The following LAPTM4B variants were observed in gnomAD, a reference collection of about 807,000 sequenced individuals.
The protein encoded by LAPTM4B is lysosomal protein transmembrane 4 beta.
LAPTM4B carries 26 observed loss-of-function variants against 28.5 expected under a neutral mutation model. That is an observed-to-expected ratio of 0.91 (90% CI 0.67 to 1.27). The LOEUF is 1.27. LAPTM4B is among the 50% of genes most tolerant of loss of function. The pLI is 0.00. For missense variants in LAPTM4B, 288 were observed against 285.8 expected (o/e 1.01, Z -0.06); for synonymous variants, 109 against 106.4 (o/e 1.02, Z -0.15).
intron 6 of LAPTM4B, among the ~76,000 whole-genome samples, chr8:97,829,585 G>T (rs775730262): frequency 7.9e-5 from 12 of 152,246 alleles, no homozygotes; most frequent in Middle Eastern, 3.4e-3. Flanking sequence ...AGAACAGGGG[G>T]TGTGGAATTG....
At chr8:97,785,486 C>G (rs1247952386) in intron 1 of LAPTM4B, among the ~76,000 whole-genome samples, 2 of 152,014 alleles carry the variant, frequency 1.3e-5, no homozygotes, top group Non-Finnish European at 2.9e-5. Flanking sequence ...ATATATTTAA[C>G]TTCGACCTAA....
Position 97,801,870 on chromosome 8 carries a change from G to A in LAPTM4B, c.100-3483G>A, listed in dbSNP as rs533514127. On this transcript the variant is annotated intron_variant, in intron 1 of 6. Transcript: ENST00000521545. ...AAAAAAAAAAAAAAAAAGTATAGAG[G>A]GATTGAAATGCCAAGAAAACTTGAC... Among the ~76,000 whole-genome samples, 3 of 150,132 alleles carry A rather than the reference G, an allele frequency of 2.0e-5. No homozygotes were observed. The East Asian group carries it at 5.9e-4, about 29-fold the overall frequency.
chr8:97,835,462 C>A (rs1295564246), intron 6 of LAPTM4B, among the ~76,000 whole-genome samples: 1 of 152,178 alleles, frequency 6.6e-6, no homozygotes, highest in Non-Finnish European at 1.5e-5. Context: ...GAAAGGAATG[C>A]GTAACGCAGA....
chr8:97,798,644 CAGGACCCACTCTGGAGTA>C (rs949683636), intron 1 of LAPTM4B, among the ~76,000 whole-genome samples: 1 of 152,024 alleles, frequency 6.6e-6, no homozygotes, highest in Non-Finnish European at 1.5e-5. Flanking sequence ...GTTTAGGACC[CAGGACCCACTCTGGAGTA>C]AGAAGGACAC....
chr8:97,827,763 A>G (rs1245090007), intron 6 of LAPTM4B, among the ~76,000 whole-genome samples: 2 of 152,184 alleles, frequency 1.3e-5, no homozygotes, highest in African/African-American at 4.8e-5. Flanking sequence ...CTGAGTCCGA[A>G]AAAGAGAGTC....
At chr8:97,776,745 A>G (rs1816226765) in intron 1 of LAPTM4B, among the ~76,000 whole-genome samples, 1 of 151,176 alleles carries the variant, frequency 6.6e-6, no homozygotes, top group African/African-American at 2.4e-5. Flanking sequence ...AGTGTGATTT[A>G]CTGCGTTTCC....
chr8:97,847,471 A>G (rs1817450752), intron 6 of LAPTM4B, among the ~76,000 whole-genome samples: 1 of 152,222 alleles, frequency 6.6e-6, no homozygotes, highest in South Asian at 2.1e-4. Context: ...TTAAAACAAA[A>G]AGAGTGGTTT....
chr8:97,823,612 T>C lies in LAPTM4B; in HGVS notation c.508-1446T>C, dbSNP rs145773862. Among the ~76,000 whole-genome samples, 700 of 151,836 alleles carry C rather than the reference T, an allele frequency of 4.6e-3. 3 individuals are homozygous for C. The highest frequency in any genetic ancestry group is 0.016 in the African/African-American group (646 of 41,446). ...CTGGTCTCAAACTCTTGGGTTCAAG[T>C]GATCCACCCACCTCGGCCTCCCAAA... On this transcript the variant is annotated intron_variant, in intron 5 of 6. Coordinates refer to ENST00000521545, the MANE Select transcript of LAPTM4B (RefSeq NM_018407.6).
At chr8:97,851,201 GCTTGAGAGTCGCTCTCCATTTGCTCC>G (rs1187518665) in intron 6 of LAPTM4B, among the ~76,000 whole-genome samples, 170 bp from the exon 7 acceptor site, 1 of 152,200 alleles carries the variant, frequency 6.6e-6, no homozygotes, top group Middle Eastern at 3.2e-3. Context: ...AAAACTCAAG[GCTTGAGAGTCGCTCTCCATTTGCTCC>G]TTTAAGGATT....
Position 97,775,934 on chromosome 8 carries a change from G to A in LAPTM4B, c.-76G>A. ...AGCGGCGGAGGAGCCGGCAGCAGCG[G>A]CGCGGCGGGCTCCAGGCGAGGCGGT... On this transcript the variant is annotated 5_prime_UTR_variant, in exon 1 of 7. Transcript: ENST00000521545. 6.9e-7 allele frequency: 1 copy of A among 1,458,576 alleles called. No individual in the cohort carries two copies. The highest frequency in any genetic ancestry group is 9.0e-7 in the Non-Finnish European group (1 of 1,114,004). The allele number at this position is 1,458,576 out of a possible 1,614,324, so 90.4% of individuals were successfully genotyped here.
intron 1 of LAPTM4B, among the ~76,000 whole-genome samples, chr8:97,782,058 G>A (rs545745987): frequency 6.7e-5 from 10 of 148,990 alleles, no homozygotes; most frequent in African/African-American, 2.5e-4. Context: ...TCGGCTCACC[G>A]CAACCTCCGA....
chr8:97,788,317 T>C (rs758318786), intron 1 of LAPTM4B: 1 of 377,416 alleles, frequency 2.6e-6, no homozygotes, highest in Non-Finnish European at 5.3e-6. Context: ...TTGCTTTTGT[T>C]TCTTGGCCAG....
At chr8:97,832,592 T>C (rs1014797033) in intron 6 of LAPTM4B, among the ~76,000 whole-genome samples, 96 of 152,276 alleles carry the variant, frequency 6.3e-4, no homozygotes, top group African/African-American at 2.0e-3. Flanking sequence ...TTAACATAGT[T>C]GTATTGATAT....
At chr8:97,806,452 G>T (rs1032105818) in intron 2 of LAPTM4B, among the ~76,000 whole-genome samples, 1 of 152,164 alleles carries the variant, frequency 6.6e-6, no homozygotes, top group Admixed American at 6.5e-5. Context: ...TTTAGGAGAT[G>T]ACCTGCATCT....
chr8:97,796,140 C>T (rs1309919048), intron 1 of LAPTM4B, among the ~76,000 whole-genome samples: 2 of 152,208 alleles, frequency 1.3e-5, no homozygotes. Context: ...GGGGATTCAC[C>T]GTGTTGGCCA....
chr8:97,808,925 C>T (rs1188529917), intron 2 of LAPTM4B, among the ~76,000 whole-genome samples: 1 of 151,842 alleles, frequency 6.6e-6, no homozygotes, highest in Non-Finnish European at 1.5e-5. Flanking sequence ...CATGCCACTA[C>T]ACTCCAGCCT....
intron 1 of LAPTM4B, among the ~76,000 whole-genome samples, chr8:97,794,804 C>A (rs1288044352): frequency 1.3e-5 from 2 of 152,188 alleles, no homozygotes; most frequent in African/African-American, 4.8e-5. Flanking sequence ...ACCTCCACCT[C>A]CCATGTTCAA....
intron 6 of LAPTM4B, among the ~76,000 whole-genome samples, chr8:97,831,626 G>A (rs1044538756): frequency 6.6e-6 from 1 of 152,168 alleles, no homozygotes; most frequent in African/African-American, 2.4e-5. Flanking sequence ...TTGTGAGGCA[G>A]GGAGAAGGAA....
intron 4 of LAPTM4B, among the ~76,000 whole-genome samples, chr8:97,817,344 C>G (rs1816934937): frequency 6.6e-6 from 1 of 151,056 alleles, no homozygotes; most frequent in Non-Finnish European, 1.5e-5. Context: ...CACCATGTTG[C>G]CCAGGCTTGT....
Sources: gnomAD v4.1 joint callset for allele counts (sites outside exome capture counted in the v4.1 genomes callset) on GRCh38, gnomAD v4.1.1 for gene constraint, MANE v1.5 for transcripts, NCBI Gene and HGNC (gene_info 2026-07-23, HGNC 2026-07-21) for gene names.